The following DAB1 variants were observed in gnomAD, a reference collection of about 807,000 sequenced individuals.
DAB1 encodes the protein disabled homolog 1.
DAB1 carries 15 observed loss-of-function variants against 64.6 expected under a neutral mutation model. The ratio of observed to expected loss-of-function variants is 0.23; its 90% CI spans 0.16 to 0.36. The LOEUF is 0.36. DAB1 is among the 10% of genes least tolerant of loss of function. The pLI is 1.00. For missense variants in DAB1, 596 were observed against 706.7 expected, an observed-to-expected ratio of 0.84 and a Z score of 1.78; for synonymous variants, 235 against 251.9, an observed-to-expected ratio of 0.93 and a Z score of 0.64.
chr1:58,092,650 AACT>A (rs1195045103), intron 5 of DAB1, among the ~76,000 whole-genome samples: 3 of 152,214 alleles, frequency 2.0e-5, no homozygotes, highest in Non-Finnish European at 2.9e-5. Context: ...GAGTGGCCGT[AACT>A]AAAATAAACA....
chr1:57,953,951 AC>A (rs1418786463), intron 5 of DAB1, among the ~76,000 whole-genome samples: 2 of 152,012 alleles, frequency 1.3e-5, no homozygotes, highest in African/African-American at 4.8e-5. Flanking sequence ...ATATTTCACC[AC>A]CAACTCCCTT....
At chr1:57,176,980 A>C (rs1419388045) in intron 2 of DAB1, among the ~76,000 whole-genome samples, 6 of 150,940 alleles carry the variant, frequency 4.0e-5, no homozygotes, top group African/African-American at 7.3e-5. Context: ...TATAAAAAAA[A>C]AAAAAAAAAA....
chr1:57,103,845 G>A (rs1470780254), intron 4 of DAB1, among the ~76,000 whole-genome samples: 1 of 152,148 alleles, frequency 6.6e-6, no homozygotes, highest in Non-Finnish European at 1.5e-5. Flanking sequence ...CCCAGGTAGG[G>A]GACCCCTATG....
chr1:58,419,061 C>A (rs1644747921), intron 3 of DAB1, among the ~76,000 whole-genome samples: 1 of 152,168 alleles, frequency 6.6e-6, no homozygotes, highest in Admixed American at 6.5e-5. Flanking sequence ...ATTAGAGGAG[C>A]CTATCGGATC....
chr1:57,599,185 T>C (rs536796451), intron 7 of DAB1, among the ~76,000 whole-genome samples: 25 of 150,862 alleles, frequency 1.7e-4, no homozygotes, highest in South Asian at 4.2e-4. Context: ...GCTTCTTCTT[T>C]TTTTTTTTTT....
At chr1:58,176,939 A>T (rs1348648227) in intron 4 of DAB1, among the ~76,000 whole-genome samples, 3 of 151,832 alleles carry the variant, frequency 2.0e-5, no homozygotes, top group Non-Finnish European at 4.4e-5. Context: ...AGATTGTGCC[A>T]CTGCACTCCA....
At chr1:57,012,524 A>T (rs1298585986) in intron 12 of DAB1, among the ~76,000 whole-genome samples, 1 of 152,136 alleles carries the variant, frequency 6.6e-6, no homozygotes, top group Non-Finnish European at 1.5e-5. Flanking sequence ...TTCTGTTTCT[A>T]TTTGAGGTTC....
chr1:58,035,575 C>A (rs1647032504), intron 5 of DAB1, among the ~76,000 whole-genome samples: 1 of 151,670 alleles, frequency 6.6e-6, no homozygotes, highest in Admixed American at 6.5e-5. Context: ...ACACAAATAG[C>A]AAATGCATCA....
At chr1:57,164,682 A>G (rs543963542) in intron 2 of DAB1, among the ~76,000 whole-genome samples, 7 of 152,236 alleles carry the variant, frequency 4.6e-5, no homozygotes, top group Admixed American at 4.6e-4. Context: ...AATCTTATGA[A>G]AAGGCAAAGA....
At chr1:58,067,159 G>C (rs1570306353) in intron 5 of DAB1, among the ~76,000 whole-genome samples, 1 of 152,100 alleles carries the variant, frequency 6.6e-6, no homozygotes, top group African/African-American at 2.4e-5. Context: ...TATAATGTTA[G>C]TTCCTTATTT....
chr1:57,023,737 G>A (rs1646696658), intron 10 of DAB1, 98 bp from the exon 11 acceptor site: 6 of 762,434 alleles, frequency 7.9e-6, no homozygotes, highest in South Asian at 1.5e-5. Context: ...CAGGGGAAGG[G>A]GTCCACAGTT....
chr1:57,914,434 CG>C (rs1644695305), intron 5 of DAB1, among the ~76,000 whole-genome samples: 1 of 103,544 alleles, frequency 9.7e-6, no homozygotes. Flanking sequence ...ATGGGATGGG[CG>C]GGGGGAGGGA....
intron 6 of DAB1, among the ~76,000 whole-genome samples, chr1:57,661,752 G>A (rs938274218): frequency 3.9e-5 from 6 of 152,086 alleles, no homozygotes; most frequent in African/African-American, 7.2e-5. Context: ...TAAATCCTAT[G>A]TAAATAGTTA....
At chr1:57,031,033 T>G (rs1457797680) in intron 9 of DAB1, among the ~76,000 whole-genome samples, 2 of 152,236 alleles carry the variant, frequency 1.3e-5, no homozygotes, top group Non-Finnish European at 2.9e-5. Flanking sequence ...ATTTATTGGC[T>G]AATTTTCTCC....
chr1:57,553,414 G>GAA (rs752389243), intron 7 of DAB1, among the ~76,000 whole-genome samples: 4,508 of 20,196 alleles, frequency 0.22, 633 homozygotes, highest in East Asian at 0.57. Context: ...AAGAAAGAAA[G>GAA]AAAGAAAGAA....
chr1:57,981,345 AAAG>A (rs1646062060), intron 5 of DAB1, among the ~76,000 whole-genome samples: 1 of 152,120 alleles, frequency 6.6e-6, no homozygotes, highest in South Asian at 2.1e-4. Context: ...AAGAGGAGGA[AAAG>A]AAGGAGGAGG....
At chr1:57,010,887 T>TGCA (rs1646245831) in intron 13 of DAB1, 97 bp from the exon 14 acceptor site, 4 of 1,004,034 alleles carry the variant, frequency 4.0e-6, no homozygotes. Context: ...CAATCAGTTA[T>TGCA]TGTAAAGGAG....
intron 7 of DAB1, among the ~76,000 whole-genome samples, chr1:57,565,970 T>C (rs546817195): frequency 1.7e-4 from 26 of 152,206 alleles, no homozygotes; most frequent in Non-Finnish European, 3.5e-4. Context: ...CAACAGAATA[T>C]ACATTCTTCT....
chr1:58,344,210 T>C (rs1326384811), intron 3 of DAB1, among the ~76,000 whole-genome samples: 2 of 152,054 alleles, frequency 1.3e-5, no homozygotes, highest in African/African-American at 2.4e-5. Context: ...TTGTTGAGGA[T>C]TGCACTAATT....
Sources: gnomAD v4.1 joint callset for allele counts (sites outside exome capture counted in the v4.1 genomes callset) on GRCh38, gnomAD v4.1.1 for gene constraint, MANE v1.5 for transcripts, NCBI Gene and HGNC (gene_info 2026-07-23, HGNC 2026-07-21) for gene names.